Variants in DCC observed in about 807,000 individuals in gnomAD.
DCC encodes the protein netrin receptor DCC.
Under a neutral mutation model 172.5 loss-of-function variants are expected in DCC, and 58 were observed. That is an observed-to-expected ratio of 0.34 (90% CI 0.27 to 0.42). DCC has a LOEUF of 0.42. DCC is among the 10% of genes least tolerant of loss of function. The pLI is 1.00. For missense variants in DCC, 1,740 were observed against 1,791.0 expected (o/e 0.97, Z 0.51); for synonymous variants, 709 against 644.5 (o/e 1.10, Z -1.52).
At chr18:53,240,043 A>AC (rs1568385354) in intron 12 of DCC, among the ~76,000 whole-genome samples, 5 of 75,434 alleles carry the variant, frequency 6.6e-5, no homozygotes, top group Non-Finnish European at 1.7e-4. Context: ...AAAAAAAAAA[A>AC]AAAAAAACAA....
At chr18:53,252,780 T>C (rs572057110) in intron 12 of DCC, among the ~76,000 whole-genome samples, 7 of 151,960 alleles carry the variant, frequency 4.6e-5, no homozygotes, top group Non-Finnish European at 7.4e-5. Context: ...CAGAACAGAC[T>C]AAAGCCCTAA....
chr18:53,319,914 T>C (rs1160866467), intron 13 of DCC, among the ~76,000 whole-genome samples: 1 of 152,158 alleles, frequency 6.6e-6, no homozygotes, highest in Non-Finnish European at 1.5e-5. Flanking sequence ...CAGTTAGTGT[T>C]GGATTGAATA....
At chr18:53,058,572 C>A (rs975343856) in intron 5 of DCC, among the ~76,000 whole-genome samples, 1 of 151,838 alleles carries the variant, frequency 6.6e-6, no homozygotes, top group Non-Finnish European at 1.5e-5. Flanking sequence ...CAAAATGGGA[C>A]AAATAGATCC....
rs148357504 is a variant in DCC, at chr18:53,332,127, G to A, written c.2165-7586G>A. Among the ~76,000 whole-genome samples, 623 of 152,232 alleles carry A rather than the reference G, an allele frequency of 4.1e-3. 5 individuals carry two copies. Among genetic ancestry groups the A allele is most frequent in the African/African-American group, 0.014 (590 of 41,530 alleles). On this transcript the variant is annotated intron_variant, in intron 14 of 28. Transcript: ENST00000442544. ...TACCAGTTTAATTGGCTTAGATTTA[G>A]GAGACACATATTTTCAGAATTACAA...
chr18:53,036,401 CCAA>C (rs1243716985), intron 5 of DCC, among the ~76,000 whole-genome samples: 1 of 152,004 alleles, frequency 6.6e-6, no homozygotes, highest in East Asian at 1.9e-4. Flanking sequence ...CCCAGCTGAA[CCAA>C]CAAGTGAAGG....
intron 22 of DCC, among the ~76,000 whole-genome samples, chr18:53,440,677 A>G (rs1189037134): frequency 2.0e-5 from 3 of 152,218 alleles, no homozygotes; most frequent in Non-Finnish European, 4.4e-5. Flanking sequence ...AAAATTTTAC[A>G]GCTTTTTTTC....
intron 1 of DCC, among the ~76,000 whole-genome samples, chr18:52,529,485 T>C (rs1297564814): frequency 1.3e-5 from 2 of 152,138 alleles, no homozygotes; most frequent in East Asian, 3.9e-4. Flanking sequence ...AGAGACAGGG[T>C]TTCCCCGTGT....
chr18:53,401,810 G>C (rs1324416636), intron 18 of DCC, among the ~76,000 whole-genome samples: 2 of 152,196 alleles, frequency 1.3e-5, no homozygotes, highest in Non-Finnish European at 2.9e-5. Context: ...AACGTAGAAA[G>C]TGAGAGAGCA....
chr18:52,806,396 A>T (rs1334558383), intron 2 of DCC, among the ~76,000 whole-genome samples: 1 of 152,206 alleles, frequency 6.6e-6, no homozygotes, highest in Non-Finnish European at 1.5e-5. Context: ...TTTTACCTAC[A>T]AACTTATTAC....
chr18:52,567,621 G>A (rs377498155), intron 1 of DCC, among the ~76,000 whole-genome samples: 11 of 152,078 alleles, frequency 7.2e-5, no homozygotes, highest in Non-Finnish European at 1.3e-4. Flanking sequence ...ATGTGTATGC[G>A]TCAACACAGA....
intron 7 of DCC, among the ~76,000 whole-genome samples, chr18:53,103,419 TGGA>T (rs538029459): frequency 7.8e-4 from 118 of 152,218 alleles, no homozygotes; most frequent in African/African-American, 2.8e-3. Context: ...AAGCCTATGC[TGGA>T]GTTCAGTGGC....
chr18:52,470,153 A>T (rs1233965255), intron 1 of DCC, among the ~76,000 whole-genome samples: 1 of 152,234 alleles, frequency 6.6e-6, no homozygotes, highest in Non-Finnish European at 1.5e-5. Flanking sequence ...GGGAAAAATT[A>T]TCTTTAAAAG....
At chr18:52,560,302 G>C (rs1568229487) in intron 1 of DCC, among the ~76,000 whole-genome samples, 1 of 152,194 alleles carries the variant, frequency 6.6e-6, no homozygotes. Context: ...AATCTGGATT[G>C]TATATAATTG....
intron 12 of DCC, among the ~76,000 whole-genome samples, chr18:53,278,995 C>G (rs913858423): frequency 7.9e-5 from 12 of 152,148 alleles, no homozygotes; most frequent in Non-Finnish European, 1.5e-4. Flanking sequence ...ACACTGACTT[C>G]CACAATGGTT....
chr18:52,636,479 G>C (rs1031568197), intron 1 of DCC, among the ~76,000 whole-genome samples: 1 of 152,088 alleles, frequency 6.6e-6, no homozygotes, highest in Non-Finnish European at 1.5e-5. Flanking sequence ...GAAAGGTCTG[G>C]GGGCTGTTGG....
At position 53,323,278 on chromosome 18, in the gene DCC, TTC is replaced by T. The variant is rs1460592043; in HGVS notation, c.2164+1125_2164+1126del. On this transcript the variant is annotated intron_variant, in intron 14 of 28. Coordinates refer to ENST00000442544, the MANE Select transcript of DCC (RefSeq NM_005215.4). Reference sequence around the variant, plus strand: ...CTCTTTCTCCTTTGTCTTCCTCTTTTTCTCTTTTTGAATACCTCACTATCATT... The same window carrying T: ...CTCTTTCTCCTTTGTCTTCCTCTTTTTCTTTTTGAATACCTCACTATCATT... 3.9e-5 allele frequency among the ~76,000 whole-genome samples: 6 copies of T among 152,314 alleles called. No homozygotes were observed. In the South Asian group the frequency reaches 8.3e-4, roughly 21 times the overall value.
chr18:53,325,409 G>A (rs1415393512), intron 14 of DCC, among the ~76,000 whole-genome samples: 2 of 152,158 alleles, frequency 1.3e-5, no homozygotes, highest in Non-Finnish European at 2.9e-5. Flanking sequence ...TGAAGCAGAG[G>A]TGCTGAAGGT....
chr18:53,478,244 T>G (rs181617095), intron 25 of DCC, among the ~76,000 whole-genome samples: 1 of 152,340 alleles, frequency 6.6e-6, no homozygotes, highest in Admixed American at 6.5e-5. Context: ...TAATCTTTCA[T>G]GCAGGCTATT....
At chr18:52,729,988 A>G (rs957388010) in intron 1 of DCC, among the ~76,000 whole-genome samples, 2 of 152,224 alleles carry the variant, frequency 1.3e-5, no homozygotes, top group African/African-American at 4.8e-5. Context: ...TGTTTTATAA[A>G]TGTCTTGAAG....
Sources: gnomAD v4.1 joint callset for allele counts (sites outside exome capture counted in the v4.1 genomes callset) on GRCh38, gnomAD v4.1.1 for gene constraint, MANE v1.5 for transcripts, NCBI Gene and HGNC (gene_info 2026-07-23, HGNC 2026-07-21) for gene names.